KCNAB1: variants seen among roughly 807,000 people sequenced by gnomAD.
KCNAB1 encodes voltage-gated potassium channel subunit beta-1.
A neutral mutation model predicts 64.6 loss-of-function variants in KCNAB1; 35 were observed. That is an observed-to-expected ratio of 0.54 (90% CI 0.41 to 0.72). The LOEUF (loss-of-function observed/expected upper bound fraction) is 0.72. KCNAB1 is among the 30% of genes least tolerant of loss of function. KCNAB1 has a pLI of 0.00. For missense variants in KCNAB1, 401 were observed against 512.9 expected (o/e 0.78, Z 2.11); for synonymous variants, 177 against 183.8 (o/e 0.96, Z 0.30).
chr3:156,458,443 T>C (rs1712625226), intron 4 of KCNAB1, among the ~76,000 whole-genome samples: 1 of 152,256 alleles, frequency 6.6e-6, no homozygotes, highest in Non-Finnish European at 1.5e-5. Flanking sequence ...CTGTGAGGTA[T>C]AATCACCTGC....
At chr3:156,388,413 A>G (rs1712777906) in intron 1 of KCNAB1, among the ~76,000 whole-genome samples, 1 of 152,216 alleles carries the variant, frequency 6.6e-6, no homozygotes, top group Admixed American at 6.5e-5. Flanking sequence ...CAGAGCAAAA[A>G]GCAGTATAGC....
intron 1 of KCNAB1, among the ~76,000 whole-genome samples, chr3:156,279,311 G>T (rs1190688982): frequency 1.3e-5 from 2 of 151,798 alleles, no homozygotes; most frequent in East Asian, 3.9e-4. Context: ...ATTTTTTATG[G>T]CTGCATAGTA....
chr3:156,413,648 G>T (rs1011255593), intron 1 of KCNAB1, among the ~76,000 whole-genome samples: 1 of 152,170 alleles, frequency 6.6e-6, no homozygotes, highest in African/African-American at 2.4e-5. Context: ...CAACTGCCCC[G>T]TGTCTTCTGG....
intron 1 of KCNAB1, among the ~76,000 whole-genome samples, chr3:156,268,485 A>G (rs755933180): frequency 6.6e-6 from 1 of 152,118 alleles, no homozygotes; most frequent in Non-Finnish European, 1.5e-5. Flanking sequence ...TTACATTCCC[A>G]CCAACAGTTA....
At chr3:156,171,661 G>T (rs553180489) in intron 1 of KCNAB1, among the ~76,000 whole-genome samples, 1 of 152,136 alleles carries the variant, frequency 6.6e-6, no homozygotes. Flanking sequence ...AGTCCAATGC[G>T]AATGTACTGT....
At chr3:156,292,415 G>A (rs1380135247) in intron 1 of KCNAB1, among the ~76,000 whole-genome samples, 1 of 152,186 alleles carries the variant, frequency 6.6e-6, no homozygotes, top group Non-Finnish European at 1.5e-5. Context: ...GCTGGAACTG[G>A]TATTTAGATC....
At chr3:156,469,063 A>G (rs897815133) in intron 7 of KCNAB1, among the ~76,000 whole-genome samples, 3 of 152,134 alleles carry the variant, frequency 2.0e-5, no homozygotes, top group African/African-American at 7.2e-5. Context: ...TTTCTTTTTA[A>G]TCTAATTAAT....
chr3:156,518,858 A>G (rs1717746286), intron 11 of KCNAB1, among the ~76,000 whole-genome samples: 1 of 152,182 alleles, frequency 6.6e-6, no homozygotes, highest in African/African-American at 2.4e-5. Context: ...TCTATTAGAC[A>G]TCTCCAAGTA....
At chr3:156,520,379 G>A (rs1717861463) in intron 11 of KCNAB1, among the ~76,000 whole-genome samples, 3 of 152,092 alleles carry the variant, frequency 2.0e-5, no homozygotes, top group Admixed American at 2.0e-4. Flanking sequence ...CCAGGAGTTT[G>A]AGACCAGCCT....
chr3:156,395,717 T>G (rs1309062762), intron 1 of KCNAB1, among the ~76,000 whole-genome samples: 1 of 152,138 alleles, frequency 6.6e-6, no homozygotes, highest in Non-Finnish European at 1.5e-5. Context: ...GGATTTATAG[T>G]GAACATTTCC....
chr3:156,371,906 G>A (rs1031349777), intron 1 of KCNAB1, among the ~76,000 whole-genome samples: 2 of 152,102 alleles, frequency 1.3e-5, no homozygotes, highest in Non-Finnish European at 2.9e-5. Context: ...ATCTTTGCTC[G>A]TTACAGAATA....
intron 1 of KCNAB1, among the ~76,000 whole-genome samples, chr3:156,179,265 C>G (rs1032745971): frequency 2.6e-5 from 4 of 151,908 alleles, no homozygotes; most frequent in African/African-American, 7.3e-5. Flanking sequence ...TAGTTCCATG[C>G]TAATACTATA....
At chr3:156,503,720 C>A (rs1716620648) in intron 8 of KCNAB1, among the ~76,000 whole-genome samples, 1 of 152,054 alleles carries the variant, frequency 6.6e-6, no homozygotes, top group African/African-American at 2.4e-5. Flanking sequence ...AAAGCTCAAA[C>A]AAGACCAAAT....
chr3:156,151,046 A>G (rs1715373925), intron 1 of KCNAB1, among the ~76,000 whole-genome samples: 1 of 152,144 alleles, frequency 6.6e-6, no homozygotes, highest in Admixed American at 6.6e-5. Context: ...TTCAGAGAAT[A>G]TTCTGTTGGT....
chr3:156,227,428 G>C lies in KCNAB1; in HGVS notation c.275+106542G>C, dbSNP rs151225827. On this transcript the variant is annotated intron_variant, in intron 1 of 13. Transcript: ENST00000490337. Reference sequence around the variant, plus strand: ...TTGCAATAAAGTGGGACGATTCCAAGCAGCTAAAAAAGACTTTCTCTCCGA... The same window carrying C: ...TTGCAATAAAGTGGGACGATTCCAACCAGCTAAAAAAGACTTTCTCTCCGA... Among the ~76,000 whole-genome samples, 522 of 152,264 alleles carry C rather than the reference G, an allele frequency of 3.4e-3. 20 individuals are homozygous for C. The South Asian group carries it at 0.06, about 17-fold the overall frequency.
At chr3:156,402,493 C>T (rs1242119232) in intron 1 of KCNAB1, among the ~76,000 whole-genome samples, 1 of 152,212 alleles carries the variant, frequency 6.6e-6, no homozygotes, top group African/African-American at 2.4e-5. Flanking sequence ...ATAACTGAAT[C>T]TACATTCCTC....
intron 1 of KCNAB1, among the ~76,000 whole-genome samples, chr3:156,402,109 C>T (rs547011958): frequency 6.6e-6 from 1 of 150,688 alleles, no homozygotes; most frequent in Admixed American, 6.6e-5. Flanking sequence ...TGTAACAAAC[C>T]TCCACATTGT....
At chr3:156,145,119 G>C (rs1714964338) in intron 1 of KCNAB1, among the ~76,000 whole-genome samples, 1 of 152,164 alleles carries the variant, frequency 6.6e-6, no homozygotes, top group African/African-American at 2.4e-5. Context: ...GGAAGGCTCT[G>C]TTACCTTGGA....
chr3:156,488,505 G>T (rs1715378702), intron 8 of KCNAB1, among the ~76,000 whole-genome samples: 1 of 152,100 alleles, frequency 6.6e-6, no homozygotes, highest in African/African-American at 2.4e-5. Context: ...GGAACGTCAA[G>T]GACATAGATG....
Sources: gnomAD v4.1 joint callset for allele counts (sites outside exome capture counted in the v4.1 genomes callset) on GRCh38, gnomAD v4.1.1 for gene constraint, MANE v1.5 for transcripts, NCBI Gene and HGNC (gene_info 2026-07-23, HGNC 2026-07-21) for gene names.